The following C12orf42 variants were observed in gnomAD, a reference collection of about 807,000 sequenced individuals.
C12orf42 encodes chromosome 12 open reading frame 42, also known as uncharacterized protein C12orf42.
Under a neutral mutation model 21.6 loss-of-function variants are expected in C12orf42, and 25 were observed. The ratio of observed to expected loss-of-function variants is 1.16; its 90% CI spans 0.84 to 1.62. The LOEUF (loss-of-function observed/expected upper bound fraction) is 1.62. Among genes scored for constraint, C12orf42 ranks in the 40% most tolerant of loss-of-function variants. C12orf42 has a pLI of 0.00. For synonymous variants in C12orf42, 174 were observed against 175.0 expected (o/e 0.99, Z 0.05); for missense variants, 483 against 459.3 (o/e 1.05, Z -0.47).
At chr12:103,196,481 A>G in the C12orf42 span, among the ~76,000 whole-genome samples, 1 of 152,088 alleles carries the variant, frequency 6.6e-6, no homozygotes, top group Non-Finnish European at 1.5e-5. Context: ...TTATGTCCCA[A>G]GTATTTTTGT....
the C12orf42 span, among the ~76,000 whole-genome samples, chr12:103,091,046 G>T: frequency 1.3e-5 from 2 of 151,552 alleles, no homozygotes; most frequent in Non-Finnish European, 1.5e-5. Context: ...ACATTCTTGT[G>T]CAGTATTAGG....
At chr12:103,375,267 A>G (rs1349277868) in intron 3 of C12orf42, among the ~76,000 whole-genome samples, 3 of 152,348 alleles carry the variant, frequency 2.0e-5, no homozygotes, top group Admixed American at 2.0e-4. Flanking sequence ...GATTTGAATG[A>G]AAATTTAAAT....
rs12303101 is a variant in C12orf42, at chr12:103,355,839, C to T, written c.259+13048G>A. Among the ~76,000 whole-genome samples the T allele has an allele frequency of 5.7e-3, 865 of 152,192 alleles. 5 individuals carry two copies. Among genetic ancestry groups the T allele is most frequent in the African/African-American group, 0.018 (752 of 41,546 alleles). On this transcript the variant is annotated intron_variant, in intron 4 of 5. Transcript: ENST00000548883. ...CCCTTAGTATTGGATGCTAACTATC[C>T]TTTCCCTTTTCTTGAAACTCATGAA...
chr12:103,131,433 C>T, the C12orf42 span, among the ~76,000 whole-genome samples: 86 of 152,320 alleles, frequency 5.6e-4, no homozygotes, highest in African/African-American at 2.0e-3. Context: ...CATTCCAATC[C>T]AAAAGCCACA....
At chr12:103,295,445 ATAAGACATTG>A (rs2037199982) in intron 4 of C12orf42, among the ~76,000 whole-genome samples, 1 of 152,142 alleles carries the variant, frequency 6.6e-6, no homozygotes, top group Non-Finnish European at 1.5e-5. Context: ...CTTGCTTTGA[ATAAGACATTG>A]TACTGTAATC....
chr12:103,114,647 T>A, the C12orf42 span, among the ~76,000 whole-genome samples: 1 of 152,176 alleles, frequency 6.6e-6, no homozygotes, highest in South Asian at 2.1e-4. Context: ...TCCCCTTGCA[T>A]GAGAATGCAA....
chr12:103,306,113 A>G lies in C12orf42; in HGVS notation c.492T>C (p.Ser164=). The part of the protein sequence containing the change: ...ARGAPKQAWN[S]SFLEQLVKKP... ...TTTTAACCAGTTGTTCCAAAAATGA[A>G]CTGTTCCAAGCCTGCTTGGGTGCTC... is the stretch of plus-strand genomic sequence containing the variant. Residue 164 remains serine (S), a synonymous_variant, in exon 5 of 6, where the codon AGT becomes AGC. Transcript: ENST00000548883. The G allele has an allele frequency of 6.2e-7, 1 of 1,613,904 alleles. No homozygotes were observed. The highest frequency in any genetic ancestry group is 8.5e-7 in the Non-Finnish European group (1 of 1,179,844).
chr12:103,136,482 T>C, the C12orf42 span, among the ~76,000 whole-genome samples: 23 of 152,176 alleles, frequency 1.5e-4, no homozygotes, highest in African/African-American at 5.5e-4. Flanking sequence ...ATAGATTCAA[T>C]GCAATTCCTA....
At chr12:103,516,741 G>A in the C12orf42 span, among the ~76,000 whole-genome samples, 3 of 152,126 alleles carry the variant, frequency 2.0e-5, 1 homozygote, top group East Asian at 5.8e-4. Flanking sequence ...AGATTTGGGT[G>A]GGGACACAGA....
At chr12:103,276,830 G>C (rs568550787) in intron 5 of C12orf42, among the ~76,000 whole-genome samples, 6 of 152,268 alleles carry the variant, frequency 3.9e-5, no homozygotes, top group Admixed American at 3.9e-4. Context: ...TTTCATAGTT[G>C]TTTTTGATTT....
chr12:103,336,526 G>T (rs761268399), intron 4 of C12orf42, among the ~76,000 whole-genome samples: 7 of 152,186 alleles, frequency 4.6e-5, no homozygotes, highest in Admixed American at 1.3e-4. Flanking sequence ...AGCATTTTGT[G>T]AGTTAGAAAG....
chr12:103,477,069 C>T (rs771700910), intron 2 of C12orf42: 5 of 152,146 alleles, frequency 3.3e-5, no homozygotes, highest in Non-Finnish European at 5.9e-5. Flanking sequence ...TGCATCATAG[C>T]TCTTATGTAC....
chr12:103,183,810 T>G, the C12orf42 span, among the ~76,000 whole-genome samples: 3 of 152,360 alleles, frequency 2.0e-5, no homozygotes, highest in Admixed American at 2.0e-4. Flanking sequence ...ACTTTGAGTC[T>G]TCCTCTGTGA....
the C12orf42 span, among the ~76,000 whole-genome samples, chr12:103,502,159 T>G: frequency 3.9e-5 from 6 of 152,076 alleles, no homozygotes; most frequent in Non-Finnish European, 5.9e-5. Flanking sequence ...AGAACAATCT[T>G]TGCACCTCAG....
At chr12:103,510,392 C>T in the C12orf42 span, among the ~76,000 whole-genome samples, 1 of 152,054 alleles carries the variant, frequency 6.6e-6, no homozygotes, top group Non-Finnish European at 1.5e-5. Context: ...TAAAAGACTA[C>T]AAATTGGGTT....
intron 4 of C12orf42, among the ~76,000 whole-genome samples, chr12:103,281,919 G>GAA (rs762017896): frequency 2.3e-5 from 2 of 86,520 alleles, no homozygotes; most frequent in African/African-American, 5.2e-5. Flanking sequence ...GAAAGAAAAA[G>GAA]AAAGAAAGAA....
chr12:103,468,306 C>G (rs973409674), intron 2 of C12orf42, among the ~76,000 whole-genome samples: 1 of 152,194 alleles, frequency 6.6e-6, no homozygotes, highest in Non-Finnish European at 1.5e-5. Flanking sequence ...ACATAGTTTT[C>G]ACCCTAATAT....
At chr12:103,254,942 A>C (rs1158637833) in intron 10 of C12orf42, among the ~76,000 whole-genome samples, 2 of 152,204 alleles carry the variant, frequency 1.3e-5, no homozygotes, top group Non-Finnish European at 2.9e-5. Flanking sequence ...ATTTTTTTAA[A>C]TTATAAATGT....
chr12:103,355,875 T>C (rs4077792), intron 4 of C12orf42, among the ~76,000 whole-genome samples: 24,362 of 152,106 alleles, frequency 0.16, 2,813 homozygotes, highest in African/African-American at 0.33. Flanking sequence ...ATCCTTTGAA[T>C]GCAGTAAAAA....
Sources: gnomAD v4.1 joint callset for allele counts (sites outside exome capture counted in the v4.1 genomes callset) on GRCh38, gnomAD v4.1.1 for gene constraint, MANE v1.5 for transcripts, NCBI Gene and HGNC (gene_info 2026-07-23, HGNC 2026-07-21) for gene names.